Variants in MCPH1 observed in about 807,000 individuals in gnomAD.
The protein encoded by MCPH1 is microcephalin 1.
A neutral mutation model predicts 84.5 loss-of-function variants in MCPH1; 104 were observed. The ratio of observed to expected loss-of-function variants is 1.23; its 90% CI spans 1.05 to 1.45. The LOEUF is 1.45. Among genes scored for constraint, MCPH1 ranks in the 40% most tolerant of loss-of-function variants. The probability of loss-of-function intolerance (pLI) is 0.00; values close to 1 mark genes in which losing one functional copy is unlikely to be tolerated. For synonymous variants in MCPH1, 514 were observed against 366.8 expected, an observed-to-expected ratio of 1.40 and a Z score of -4.58; for missense variants, 1,498 against 1,005.7, an observed-to-expected ratio of 1.49 and a Z score of -6.62.
At chr8:6,538,499 G>A (rs11989242) in intron 12 of MCPH1, among the ~76,000 whole-genome samples, 62,194 of 151,842 alleles carry the variant, frequency 0.41, 13,780 homozygotes, top group Middle Eastern at 0.51. Flanking sequence ...GACACACACC[G>A]CCTCCTGACT....
chr8:6,411,189 G>C (rs149995252), intron 2 of MCPH1, among the ~76,000 whole-genome samples: 1 of 152,278 alleles, frequency 6.6e-6, no homozygotes. Context: ...CCTGGTTGAA[G>C]AGTTGGTGGT....
rs548801953 is a variant in MCPH1, at chr8:6,503,479, C to G, written c.2214+3550C>G. Among the ~76,000 whole-genome samples the G allele has an allele frequency of 3.3e-5, 5 of 152,318 alleles. No individual in the cohort carries two copies. In the South Asian group the frequency reaches 8.3e-4, roughly 25 times the overall value. On this transcript the variant is annotated intron_variant, in intron 12 of 13. Coordinates refer to ENST00000344683, the MANE Select transcript of MCPH1 (RefSeq NM_024596.5). ...CATTACGGCAAATGCTTTTACAAGCCTTCTTCCACCTTTTCCCTTGTGCTG... is the reference window on the plus strand; with the variant it reads ...CATTACGGCAAATGCTTTTACAAGCGTTCTTCCACCTTTTCCCTTGTGCTG...
intron 12 of MCPH1, among the ~76,000 whole-genome samples, chr8:6,522,542 G>A (rs965694637): frequency 3.9e-5 from 6 of 152,154 alleles, no homozygotes; most frequent in Admixed American, 2.6e-4. Context: ...GGAAGGCTGA[G>A]GCAGGTGTAT....
intron 12 of MCPH1, among the ~76,000 whole-genome samples, chr8:6,600,888 T>G (rs1434379851): frequency 6.6e-6 from 1 of 152,116 alleles, no homozygotes; most frequent in Non-Finnish European, 1.5e-5. Context: ...TGGACAGACA[T>G]CTCACCCAGG....
At chr8:6,626,474 GTTT>G (rs71213328) in intron 13 of MCPH1, 47 of 923,432 alleles carry the variant, frequency 5.1e-5, no homozygotes, top group Admixed American at 8.6e-5. Context: ...TTTTTGTTTT[GTTT>G]TTTTTTTTTT....
intron 9 of MCPH1, among the ~76,000 whole-genome samples, chr8:6,476,811 C>A (rs111817399): frequency 3.3e-5 from 5 of 152,104 alleles, no homozygotes; most frequent in Non-Finnish European, 7.3e-5. Context: ...ATGTAAATTA[C>A]AAAAGTATAT....
chr8:6,637,814 G>A (rs190224832), intron 13 of MCPH1, among the ~76,000 whole-genome samples: 1 of 152,228 alleles, frequency 6.6e-6, no homozygotes, highest in East Asian at 1.9e-4. Flanking sequence ...CTTTGCAGTG[G>A]TTCAGGTGAT....
intron 12 of MCPH1, among the ~76,000 whole-genome samples, chr8:6,569,161 TTCCCCC>T (rs1826460800): frequency 6.6e-6 from 1 of 152,178 alleles, no homozygotes. Context: ...TTTTTATTAC[TTCCCCC>T]CACAAATCGT....
chr8:6,646,785 C>A lies in MCPH1; in HGVS notation c.*3736C>A, dbSNP rs1226363254. 1 of 152,212 alleles carries A rather than the reference C, an allele frequency of 6.6e-6. No homozygotes were observed. Among genetic ancestry groups the A allele is most frequent in the Non-Finnish European group, 1.5e-5 (1 of 68,042 alleles). 9.4% of individuals were successfully genotyped at this position (152,212 alleles called of 1,614,324 possible). A position where few individuals can be genotyped will look rare whatever the true frequency, so the allele number is the denominator to read the frequency against. On this transcript the variant is annotated 3_prime_UTR_variant, in exon 14 of 14. Transcript: ENST00000344683. ...TTGACAATCTCTGTCTCCAGATATT[C>A]CCAAATGTGCCCTGGAGAGCAAAAC...
At chr8:6,558,728 C>T (rs1825044602) in intron 12 of MCPH1, among the ~76,000 whole-genome samples, 1 of 152,118 alleles carries the variant, frequency 6.6e-6, no homozygotes, top group Non-Finnish European at 1.5e-5. Context: ...ATCATCTCCC[C>T]ATAGTGTGAT....
At chr8:6,480,897 G>A in intron 11 of MCPH1, 21 bp downstream of exon 11, 1 of 1,612,602 alleles carries the variant, frequency 6.2e-7, no homozygotes, top group Non-Finnish European at 8.5e-7. Flanking sequence ...TGTGTGAACT[G>A]CGTATTTTAA....
chr8:6,512,490 A>G (rs1050636549), intron 12 of MCPH1, among the ~76,000 whole-genome samples: 1 of 152,120 alleles, frequency 6.6e-6, no homozygotes, highest in Non-Finnish European at 1.5e-5. Flanking sequence ...CAAAGTGGGT[A>G]TTTCATAATG....
chr8:6,409,761 G>C (rs535041696), intron 2 of MCPH1, among the ~76,000 whole-genome samples: 1 of 152,192 alleles, frequency 6.6e-6, no homozygotes, highest in Non-Finnish European at 1.5e-5. Flanking sequence ...TTCAAGGCTA[G>C]AGATGATGAT....
At chr8:6,501,947 TG>T (rs1812282093) in intron 12 of MCPH1, 1 of 151,836 alleles carries the variant, frequency 6.6e-6, no homozygotes, top group African/African-American at 2.4e-5. Flanking sequence ...TTTTTCAGTT[TG>T]CTGATTGACA....
chr8:6,610,261 G>A (rs753660430), intron 12 of MCPH1, among the ~76,000 whole-genome samples: 1 of 152,246 alleles, frequency 6.6e-6, no homozygotes, highest in Non-Finnish European at 1.5e-5. Context: ...GATGCAGACA[G>A]AAGGCGGTTT....
At chr8:6,447,320 G>C (rs1174394740) in intron 8 of MCPH1, 4 of 985,190 alleles carry the variant, frequency 4.1e-6, no homozygotes, top group Non-Finnish European at 4.8e-6. Flanking sequence ...TCTATATCTG[G>C]TGAAATTATG....
chr8:6,590,655 A>G (rs1287815721), intron 12 of MCPH1, among the ~76,000 whole-genome samples: 1 of 152,272 alleles, frequency 6.6e-6, no homozygotes, highest in Non-Finnish European at 1.5e-5. Flanking sequence ...AAAAACATAA[A>G]GGAAAAAATA....
Position 6,445,003 on chromosome 8 carries a change from GA to G in MCPH1, c.1283del (p.Asn428IlefsTer15). On this transcript the variant is annotated frameshift_variant, in exon 8 of 14. Transcript: ENST00000344683. LOFTEE classifies it high-confidence loss of function. ...ATAATCTTAAGGAAAGGTATTCAGAGAATCTTCCTCCTGAATCTCAGCTGCC... is the reference window on the plus strand; with the variant it reads ...ATAATCTTAAGGAAAGGTATTCAGAGATCTTCCTCCTGAATCTCAGCTGCC... ...PDNLKERYSE[N>X]LPPESQLPSS... 1 of 1,614,200 alleles carries G rather than the reference GA, an allele frequency of 6.2e-7. No individual in the cohort carries two copies. Among genetic ancestry groups the G allele is most frequent in the Non-Finnish European group, 8.5e-7 (1 of 1,180,038 alleles).
chr8:6,504,877 G>C (rs1812967347), intron 12 of MCPH1, among the ~76,000 whole-genome samples: 1 of 152,108 alleles, frequency 6.6e-6, no homozygotes, highest in Admixed American at 6.6e-5. Flanking sequence ...GCATTTGCTG[G>C]ACATCTTGGA....
Sources: allele counts gnomAD v4.1 joint callset (sites outside exome capture counted in the v4.1 genomes callset), GRCh38; gene constraint gnomAD v4.1.1; transcripts MANE v1.5; gene names NCBI Gene and HGNC (gene_info 2026-07-23, HGNC 2026-07-21).